The following ODAD2 variants were observed in gnomAD, a reference collection of about 807,000 sequenced individuals.
ODAD2 encodes the protein outer dynein arm docking complex subunit 2, also known as outer dynein arm-docking complex subunit 2.
Under a neutral mutation model 106.8 loss-of-function variants are expected in ODAD2, and 89 were observed. The observed-to-expected ratio is 0.83, with a 90% CI of 0.70 to 0.99. The LOEUF is 0.99. Among genes scored for constraint, ODAD2 ranks in the 50% least tolerant of loss-of-function variants. The probability of loss-of-function intolerance (pLI) is 0.00; values close to 1 mark genes in which losing one functional copy is unlikely to be tolerated. For synonymous variants in ODAD2, 404 were observed against 436.2 expected (o/e 0.93, Z 0.92); for missense variants, 1,168 against 1,238.5 (o/e 0.94, Z 0.85).
intron 19 of ODAD2, among the ~76,000 whole-genome samples, chr10:27,850,462 AAAAAG>A (rs1264393228): frequency 6.6e-6 from 1 of 151,472 alleles, no homozygotes; most frequent in Non-Finnish European, 1.5e-5. Flanking sequence ...AAAAAAAAAA[AAAAAG>A]AATCACTTGA....
At chr10:27,941,502 A>AG (rs961896262) in intron 12 of ODAD2, among the ~76,000 whole-genome samples, 10 of 150,558 alleles carry the variant, frequency 6.6e-5, no homozygotes, top group African/African-American at 2.2e-4. Context: ...AAAAAAAAGA[A>AG]AAAAAAAAAA....
At chr10:27,899,641 C>A (rs764419268) in intron 17 of ODAD2, among the ~76,000 whole-genome samples, 2 of 152,238 alleles carry the variant, frequency 1.3e-5, no homozygotes, top group African/African-American at 4.8e-5. Flanking sequence ...GGGGAGTCTG[C>A]CATTACTGAG....
rs545007376 is a variant in ODAD2, at chr10:27,894,831, C to T, written c.2610+12832G>A. On this transcript the variant is annotated intron_variant, in intron 17 of 19. Transcript: ENST00000305242. ...TCCTCCCCACTTGGCCTCTCAAGTT[C>T]TGGGGTCACAGGTGTGAGCCACTTT... 9.9e-5 allele frequency among the ~76,000 whole-genome samples: 15 copies of T among 152,148 alleles called. No homozygotes were observed. The South Asian group carries it at 2.9e-3, about 29-fold the overall frequency.
chr10:27,870,843 G>T (rs968274775), intron 17 of ODAD2, among the ~76,000 whole-genome samples: 3 of 152,196 alleles, frequency 2.0e-5, no homozygotes, highest in African/African-American at 7.2e-5. Flanking sequence ...ATAGCAACAT[G>T]ATTCATAATC....
chr10:27,881,902 G>A (rs1162905402), intron 17 of ODAD2, among the ~76,000 whole-genome samples: 3 of 152,034 alleles, frequency 2.0e-5, no homozygotes, highest in Non-Finnish European at 2.9e-5. Context: ...TGGGCATGGT[G>A]GCTCACACCT....
At position 27,936,887 on chromosome 10, in the gene ODAD2, G is replaced by T; in HGVS notation, c.2098-7C>A. On this transcript the variant is annotated splice_polypyrimidine_tract_variant and splice_region_variant and intron_variant, in intron 14 of 19. Coordinates refer to ENST00000305242, the MANE Select transcript of ODAD2 (RefSeq NM_018076.5). The stretch of plus-strand genomic sequence containing the variant: ...TTTCCTTATCTTCAGCACACTGCAC[G>T]AAAAGTCAGACAGAGGCTGTCAGTC... The T allele has an allele frequency of 1.9e-6, 3 of 1,591,644 alleles. No homozygotes were observed. Among genetic ancestry groups the T allele is most frequent in the Non-Finnish European group, 2.6e-6 (3 of 1,171,140 alleles).
intron 17 of ODAD2, among the ~76,000 whole-genome samples, chr10:27,885,957 A>C (rs1005875977): frequency 4.4e-5 from 6 of 137,638 alleles, no homozygotes; most frequent in Non-Finnish European, 9.1e-5. Context: ...ACTGAAAAAT[A>C]CAATAACTAA....
At chr10:27,992,115 CATT>C (rs1265675899) in intron 2 of ODAD2, among the ~76,000 whole-genome samples, 1 of 152,128 alleles carries the variant, frequency 6.6e-6, no homozygotes, top group African/African-American at 2.4e-5. Flanking sequence ...TGGTACTTTC[CATT>C]ATGACCAAAA....
intron 10 of ODAD2, among the ~76,000 whole-genome samples, chr10:27,950,644 C>T (rs1029646529): frequency 2.6e-5 from 4 of 152,056 alleles, no homozygotes; most frequent in South Asian, 2.1e-4. Flanking sequence ...TGGAGTGCAA[C>T]GGTGTGATCT....
chr10:27,878,428 C>T (rs1431044910), intron 17 of ODAD2, among the ~76,000 whole-genome samples: 1 of 152,038 alleles, frequency 6.6e-6, no homozygotes, highest in East Asian at 1.9e-4. Context: ...TATGAAATTC[C>T]TTCTCTTGCC....
chr10:27,838,225 T>C (rs1210991481), intron 19 of ODAD2, among the ~76,000 whole-genome samples: 2 of 152,234 alleles, frequency 1.3e-5, no homozygotes, highest in African/African-American at 4.8e-5. Flanking sequence ...CAAAAACTAC[T>C]TACTCATGAA....
chr10:27,859,221 T>C lies in ODAD2; in HGVS notation c.3021+1404A>G, dbSNP rs1374207516. On this transcript the variant is annotated intron_variant, in intron 19 of 19. Coordinates refer to ENST00000305242, the MANE Select transcript of ODAD2 (RefSeq NM_018076.5). Reference sequence around the variant, plus strand: ...ACAACTTGAAGTTAATGGTCCAATATGTTTTTTATAGTTTACTTTTAAACA... The same window carrying C: ...ACAACTTGAAGTTAATGGTCCAATACGTTTTTTATAGTTTACTTTTAAACA... Among the ~76,000 whole-genome samples, 5 of 152,152 alleles carry C rather than the reference T, an allele frequency of 3.3e-5. No individual in the cohort carries two copies. In the East Asian group the frequency reaches 7.7e-4, roughly 23 times the overall value.
chr10:27,971,124 T>C lies in ODAD2; in HGVS notation c.1126A>G (p.Thr376Ala). 6.2e-7 allele frequency: 1 copy of C among 1,613,226 alleles called. No individual in the cohort carries two copies. ...RWEPSLNWKT[T>A]VNYKGKGSAK... ...TCTACATACCCTTTGTAATTAACAG[T>C]GGTCTTCCAGTTTAAGCTTGGTTCC... The change falls in exon 8 of 20, where the codon ACT becomes GCT. Residue 376 changes from threonine to alanine, a missense_variant. Transcript: ENST00000305242.
At chr10:27,926,958 G>A (rs542785430) in intron 16 of ODAD2, among the ~76,000 whole-genome samples, 44 of 152,158 alleles carry the variant, frequency 2.9e-4, no homozygotes, top group East Asian at 5.8e-4. Flanking sequence ...TTCAGCACAC[G>A]TAAATCTACT....
At chr10:27,816,780 G>A (rs1042653698) in intron 19 of ODAD2, among the ~76,000 whole-genome samples, 1 of 152,028 alleles carries the variant, frequency 6.6e-6, no homozygotes, top group South Asian at 2.1e-4. Context: ...GACAAGTCTC[G>A]CTCTTTTGCC....
intron 17 of ODAD2, among the ~76,000 whole-genome samples, chr10:27,884,455 G>A (rs1284946930): frequency 6.6e-6 from 1 of 152,104 alleles, no homozygotes; most frequent in Admixed American, 6.5e-5. Flanking sequence ...CACAGCATGG[G>A]GCAGTCAGGA....
chr10:27,840,960 G>T (rs1466196237), intron 19 of ODAD2, among the ~76,000 whole-genome samples: 1 of 152,188 alleles, frequency 6.6e-6, no homozygotes, highest in Admixed American at 6.5e-5. Flanking sequence ...CACCACAGGG[G>T]TACAGTGAAG....
At position 27,994,953 on chromosome 10, in the gene ODAD2, C is replaced by T. The variant is rs1380455523; in HGVS notation, c.190G>A (p.Ala64Thr). Residue 64 changes from alanine to threonine, a missense_variant, in exon 2 of 20, where the codon GCG (alanine) becomes ACG (threonine). Physicochemically the swap from Ala to Thr is moderately conservative, Grantham distance 58 (BLOSUM62 0). Transcript: ENST00000305242. ...VEPLEWNTSL[A>T]PSAFESGYVV... ...TAACCTGATTCAAATGCTGAGGGCG[C>T]CAAACTTGTGTTCCATTCAAGTGGT... 1 of 1,614,138 alleles carries T rather than the reference C, an allele frequency of 6.2e-7. No individual in the cohort carries two copies. The highest frequency in any genetic ancestry group is 8.5e-7 in the Non-Finnish European group (1 of 1,180,026).
At chr10:27,960,745 A>G (rs1848079263) in intron 10 of ODAD2, among the ~76,000 whole-genome samples, 1 of 152,258 alleles carries the variant, frequency 6.6e-6, no homozygotes, top group Non-Finnish European at 1.5e-5. Flanking sequence ...TGCAATGATT[A>G]AATCAAGCAA....
Sources: gnomAD v4.1 joint callset for allele counts (sites outside exome capture counted in the v4.1 genomes callset) on GRCh38, gnomAD v4.1.1 for gene constraint, MANE v1.5 for transcripts, NCBI Gene and HGNC (gene_info 2026-07-23, HGNC 2026-07-21) for gene names.